COL25A1: variants seen among roughly 807,000 people sequenced by gnomAD.
The protein encoded by COL25A1 is collagen alpha-1(XXV) chain.
COL25A1 carries 103 observed loss-of-function variants against 128.4 expected under a neutral mutation model. That is an observed-to-expected ratio of 0.80 (90% CI 0.68 to 0.94). The LOEUF is 0.94. Ranked by LOEUF, COL25A1 falls within the 40% of genes least tolerant of loss-of-function variation. The pLI is 0.00. For synonymous variants in COL25A1, 279 were observed against 277.2 expected (o/e 1.01, Z -0.06); for missense variants, 745 against 840.0 (o/e 0.89, Z 1.40).
chr4:109,280,222 A>G (rs1489067070), intron 3 of COL25A1, among the ~76,000 whole-genome samples: 1 of 152,252 alleles, frequency 6.6e-6, no homozygotes, highest in African/African-American at 2.4e-5. Flanking sequence ...GAAGAAGTTT[A>G]GAGACAAAAA....
intron 3 of COL25A1, among the ~76,000 whole-genome samples, chr4:109,239,786 T>A (rs976720987): frequency 8.5e-5 from 13 of 152,054 alleles, no homozygotes; most frequent in African/African-American, 3.1e-4. Context: ...ACAAACTTCA[T>A]CATGTTTTTA....
intron 5 of COL25A1, among the ~76,000 whole-genome samples, chr4:109,013,519 A>G (rs1033357352): frequency 1.7e-5 from 1 of 59,316 alleles, no homozygotes; most frequent in Non-Finnish European, 2.7e-5. Flanking sequence ...CACTCTTTGC[A>G]ATAAATCTTG....
At chr4:108,928,465 G>T (rs182737720) in intron 11 of COL25A1, among the ~76,000 whole-genome samples, 3 of 152,060 alleles carry the variant, frequency 2.0e-5, no homozygotes, top group Admixed American at 6.6e-5. Context: ...CACCTGAAAT[G>T]TGGCCAGTAC....
At chr4:109,265,055 T>C (rs1477392973) in intron 3 of COL25A1, among the ~76,000 whole-genome samples, 1 of 152,198 alleles carries the variant, frequency 6.6e-6, no homozygotes, top group African/African-American at 2.4e-5. Flanking sequence ...TCCAAGTTCA[T>C]GAATCATGAT....
At chr4:109,072,324 T>G (rs550437162) in intron 3 of COL25A1, among the ~76,000 whole-genome samples, 67 of 152,336 alleles carry the variant, frequency 4.4e-4, no homozygotes, top group African/African-American at 1.4e-3. Flanking sequence ...CACGTTTTCT[T>G]CCTTCCTAAT....
At chr4:109,138,018 G>A (rs1769975790) in intron 3 of COL25A1, among the ~76,000 whole-genome samples, 1 of 150,380 alleles carries the variant, frequency 6.6e-6, no homozygotes, top group South Asian at 2.1e-4. Context: ...GTGTGTGTTG[G>A]GATACATGTG....
At chr4:108,823,648 G>C (rs981843024) in intron 35 of COL25A1, among the ~76,000 whole-genome samples, 2 of 152,140 alleles carry the variant, frequency 1.3e-5, no homozygotes, top group Non-Finnish European at 2.9e-5. Context: ...CTGTTGCTCT[G>C]AATCTGAAAG....
In COL25A1 at chr4:109,048,170, G is replaced by A. The variant is rs768223762; in HGVS notation, c.418C>T (p.Pro140Ser). 1.2e-6 allele frequency: 2 copies of A among 1,612,822 alleles called. No individual in the cohort carries two copies. Among genetic ancestry groups the A allele is most frequent in the East Asian group, 4.5e-5 (2 of 44,816 alleles). The part of the protein sequence containing the change: ...KRGRRGESGP[P>S]GQPGPQGPPG... ...CAAAGTGCAGCAAACATACTTACAG[G>A]AGGACCTATGGGGGGAGCAGGTGGA... The change falls in exon 5 of 38, where the codon CCT (proline) becomes TCT (serine). Residue 140 changes from proline (P) to serine (S), a missense_variant and splice_region_variant. Transcript: ENST00000399132.
chr4:108,915,984 T>G (rs1053791474), intron 13 of COL25A1, among the ~76,000 whole-genome samples: 5 of 152,222 alleles, frequency 3.3e-5, no homozygotes, highest in Non-Finnish European at 5.9e-5. Flanking sequence ...GTTCATTTCA[T>G]GTGCTCTAAG....
intron 3 of COL25A1, among the ~76,000 whole-genome samples, chr4:109,126,724 CT>C (rs1460034076): frequency 6.6e-6 from 1 of 152,048 alleles, no homozygotes; most frequent in Non-Finnish European, 1.5e-5. Flanking sequence ...CTTCACTTCC[CT>C]TTTACATTCT....
At chr4:109,157,391 C>A (rs1448774539) in intron 3 of COL25A1, among the ~76,000 whole-genome samples, 2 of 152,072 alleles carry the variant, frequency 1.3e-5, no homozygotes, top group East Asian at 3.9e-4. Flanking sequence ...TGGTAGATGA[C>A]CTCTTCAGTA....
At chr4:108,847,633 G>A (rs1410575875) in intron 27 of COL25A1, among the ~76,000 whole-genome samples, 2 of 152,026 alleles carry the variant, frequency 1.3e-5, no homozygotes, top group African/African-American at 2.4e-5. Flanking sequence ...GAGCCATAAT[G>A]TATATCATTA....
Position 108,886,481 on chromosome 4 carries a change from TGTGTGTGTG to T in COL25A1, c.976-2268_976-2260del, listed in dbSNP as rs1560806365. On this transcript the variant is annotated intron_variant, in intron 18 of 37. Coordinates refer to ENST00000399132, the MANE Select transcript of COL25A1 (RefSeq NM_198721.4). ...GTGTGTGTGTGTGTGTGTGTGTGTG[TGTGTGTGTG>T]TGTTTAGCTCATCAGCTATTTTATG... Among the ~76,000 whole-genome samples the T allele has an allele frequency of 6.0e-5, 8 of 133,686 alleles. No individual in the cohort carries two copies. In the East Asian group the frequency reaches 8.2e-4, roughly 14 times the overall value. The allele number at this position is 133,686 out of a possible 152,430, so 87.7% of individuals were successfully genotyped here. A position where few individuals can be genotyped will look rare whatever the true frequency, so the allele number is the denominator to read the frequency against.
At chr4:108,829,404 TATC>T (rs1732797018) in intron 32 of COL25A1, among the ~76,000 whole-genome samples, 1 of 150,444 alleles carries the variant, frequency 6.6e-6, no homozygotes, top group African/African-American at 2.5e-5. Context: ...TCTATCTATC[TATC>T]TATCTATCTA....
chr4:109,218,367 T>G lies in COL25A1; in HGVS notation c.367+82216A>C, dbSNP rs978194133. On this transcript the variant is annotated intron_variant, in intron 3 of 37. Transcript: ENST00000399132. ...TGCTGGTTTTTTGGGGTTTTTTTTT[T>G]TTTTTTTTTTTTTTTGCTTTTGAAC... 3.1e-3 allele frequency among the ~76,000 whole-genome samples: 399 copies of G among 128,360 alleles called. 7 individuals are homozygous for G. Among genetic ancestry groups the G allele is most frequent in the African/African-American group, 0.011 (358 of 31,228 alleles). 84.2% of individuals were successfully genotyped at this position (128,360 alleles called of 152,430 possible).
chr4:108,832,024 G>A (rs1332339432), intron 32 of COL25A1, among the ~76,000 whole-genome samples: 1 of 150,384 alleles, frequency 6.6e-6, no homozygotes, highest in African/African-American at 2.5e-5. Flanking sequence ...TTATATAAAA[G>A]ATTATCAACC....
intron 3 of COL25A1, among the ~76,000 whole-genome samples, chr4:109,060,196 C>T (rs771509453): frequency 7.2e-5 from 11 of 152,180 alleles, no homozygotes; most frequent in East Asian, 3.8e-4. Flanking sequence ...GTACTGAGCA[C>T]GTGGCAGCTG....
intron 3 of COL25A1, among the ~76,000 whole-genome samples, chr4:109,166,352 CTTCT>C (rs1185069043): frequency 6.6e-6 from 1 of 152,202 alleles, no homozygotes; most frequent in Non-Finnish European, 1.5e-5. Context: ...TGGGATGAAG[CTTCT>C]TTCTGCCAAT....
At chr4:109,205,781 C>A (rs1467743145) in intron 3 of COL25A1, among the ~76,000 whole-genome samples, 1 of 152,176 alleles carries the variant, frequency 6.6e-6, no homozygotes, top group Non-Finnish European at 1.5e-5. Flanking sequence ...CTCTTGACAA[C>A]ATACTAAATT....
Sources: gnomAD v4.1 joint callset for allele counts (sites outside exome capture counted in the v4.1 genomes callset) on GRCh38, gnomAD v4.1.1 for gene constraint, MANE v1.5 for transcripts, NCBI Gene and HGNC (gene_info 2026-07-23, HGNC 2026-07-21) for gene names.